DCDC1: variants seen among roughly 807,000 people sequenced by gnomAD.
DCDC1 encodes the protein doublecortin domain containing 1, also known as doublecortin domain-containing protein 1.
In DCDC1, 200 loss-of-function variants were observed where a neutral mutation model predicts 178.3. The ratio of observed to expected loss-of-function variants is 1.12; its 90% confidence interval spans 1.00 to 1.26. The LOEUF (loss-of-function observed/expected upper bound fraction) is 1.26. Ranked by LOEUF, DCDC1 falls within the 50% of genes most tolerant of loss-of-function variation. The pLI, the probability that DCDC1 is intolerant of heterozygous loss-of-function variation, is 0.00. For synonymous variants in DCDC1, 690 were observed against 604.8 expected (o/e 1.14, Z -2.07); for missense variants, 1,983 against 1,749.2 (o/e 1.13, Z -2.38).
chr11:31,242,536 A>G (rs1289689948), intron 8 of DCDC1, among the ~76,000 whole-genome samples: 1 of 151,948 alleles, frequency 6.6e-6, no homozygotes, highest in African/African-American at 2.4e-5. Flanking sequence ...ATGTGACACA[A>G]ACTTAAACAT....
At chr11:31,210,372 A>C (rs573995930) in intron 9 of DCDC1, among the ~76,000 whole-genome samples, 4 of 152,316 alleles carry the variant, frequency 2.6e-5, no homozygotes, top group Admixed American at 6.5e-5. Context: ...TGACTGAATG[A>C]CTAATAGCAT....
At position 31,352,676 on chromosome 11, in the gene DCDC1, T is replaced by C. The variant is rs1423813809; in HGVS notation, c.-125+17021A>G. 2.0e-5 allele frequency among the ~76,000 whole-genome samples: 3 copies of C among 152,124 alleles called. No individual in the cohort carries two copies. The East Asian group carries it at 5.8e-4, about 29-fold the overall frequency. Reference sequence around the variant, plus strand: ...ATAATAACATGACGAGCTCAATAAGTCCTTGGAGAAATATTACATCCACCT... The same window carrying C: ...ATAATAACATGACGAGCTCAATAAGCCCTTGGAGAAATATTACATCCACCT... On this transcript the variant is annotated intron_variant, in intron 1 of 38. Coordinates refer to ENST00000684477, the MANE Select transcript of DCDC1 (RefSeq NM_001387274.1).
At chr11:30,865,945 G>T (rs1320754964) in intron 38 of DCDC1, among the ~76,000 whole-genome samples, 1 of 152,076 alleles carries the variant, frequency 6.6e-6, no homozygotes, top group Non-Finnish European at 1.5e-5. Flanking sequence ...GGGTTGAATT[G>T]CATTCCCCCA....
intron 20 of DCDC1, among the ~76,000 whole-genome samples, chr11:30,993,327 C>A (rs1391125172): frequency 1.3e-5 from 2 of 151,932 alleles, no homozygotes; most frequent in Admixed American, 6.6e-5. Context: ...CGTGTTATAG[C>A]ACTACTTTGA....
chr11:31,350,945 G>A (rs911946768), intron 1 of DCDC1, among the ~76,000 whole-genome samples: 1 of 151,710 alleles, frequency 6.6e-6, no homozygotes, highest in Non-Finnish European at 1.5e-5. Flanking sequence ...TTTAATTTAT[G>A]TAGCTAACAT....
intron 9 of DCDC1, among the ~76,000 whole-genome samples, chr11:31,205,756 G>T (rs1422711984): frequency 6.6e-6 from 1 of 151,970 alleles, no homozygotes; most frequent in Non-Finnish European, 1.5e-5. Flanking sequence ...AAAAATTTAA[G>T]GTGCCCATTT....
intron 7 of DCDC1, among the ~76,000 whole-genome samples, chr11:31,266,742 A>G (rs575176458): frequency 4.5e-4 from 68 of 152,190 alleles, no homozygotes; most frequent in Non-Finnish European, 8.2e-4. Context: ...ATTGGAGCCC[A>G]TAATTTAGTC....
At chr11:31,030,563 C>G (rs1953553757) in intron 20 of DCDC1, among the ~76,000 whole-genome samples, 1 of 152,154 alleles carries the variant, frequency 6.6e-6, no homozygotes, top group Non-Finnish European at 1.5e-5. Context: ...GGAAATGCCA[C>G]TGAGCATGGT....
intron 7 of DCDC1, among the ~76,000 whole-genome samples, chr11:31,273,983 C>A (rs916786142): frequency 6.6e-6 from 1 of 152,096 alleles, no homozygotes; most frequent in Non-Finnish European, 1.5e-5. Flanking sequence ...ATGTGAAAGA[C>A]CCATCCCCAT....
chr11:31,362,441 G>A (rs1951756188), intron 1 of DCDC1, among the ~76,000 whole-genome samples: 1 of 152,176 alleles, frequency 6.6e-6, no homozygotes, highest in Non-Finnish European at 1.5e-5. Flanking sequence ...AGACAAGGTA[G>A]TAATTTATGA....
At position 30,905,152 on chromosome 11, in the gene DCDC1, A is replaced by G; in HGVS notation, c.4117T>C (p.Cys1373Arg). The G allele has an allele frequency of 6.3e-7, 1 of 1,594,842 alleles. No homozygotes were observed. The highest frequency in any genetic ancestry group is 8.6e-7 in the Non-Finnish European group (1 of 1,168,744). The part of the protein sequence containing the change: ...VISVAEVDLS[C>R]DKAEKTLSYY... Reference sequence around the variant, plus strand: ...CTTAGAGTTTTTTCAGCCTTGTCACACGACAAATCAACCTAATTTTTTAAA... The same window carrying G: ...CTTAGAGTTTTTTCAGCCTTGTCACGCGACAAATCAACCTAATTTTTTAAA... Residue 1373 changes from cysteine to arginine, a missense_variant, in exon 31 of 39, where the codon TGT becomes CGT. Coordinates refer to ENST00000684477, the MANE Select transcript of DCDC1 (RefSeq NM_001387274.1).
chr11:30,918,887 T>C (rs1268931079), intron 25 of DCDC1, among the ~76,000 whole-genome samples: 2 of 152,170 alleles, frequency 1.3e-5, no homozygotes, highest in African/African-American at 4.8e-5. Context: ...CTAGAATTTC[T>C]TTTCCATTTT....
At chr11:31,063,790 T>C (rs1175176484) in intron 20 of DCDC1, among the ~76,000 whole-genome samples, 1 of 152,182 alleles carries the variant, frequency 6.6e-6, no homozygotes, top group Non-Finnish European at 1.5e-5. Context: ...ATAAGAATTA[T>C]ATGGCTCCTT....
At chr11:31,348,685 G>A (rs780602994) in intron 1 of DCDC1, among the ~76,000 whole-genome samples, 2 of 152,184 alleles carry the variant, frequency 1.3e-5, no homozygotes, top group Non-Finnish European at 2.9e-5. Flanking sequence ...GATAATGACT[G>A]TTGGTTCAGG....
At chr11:31,048,701 A>T (rs1955031673) in intron 20 of DCDC1, among the ~76,000 whole-genome samples, 1 of 152,144 alleles carries the variant, frequency 6.6e-6, no homozygotes, top group African/African-American at 2.4e-5. Context: ...AAAATATAAA[A>T]AAAAAATTAG....
At chr11:31,360,695 G>A (rs957970767) in intron 1 of DCDC1, among the ~76,000 whole-genome samples, 1 of 152,170 alleles carries the variant, frequency 6.6e-6, no homozygotes, top group Admixed American at 6.5e-5. Flanking sequence ...TACTGTAACT[G>A]TGTTGATTAG....
chr11:31,047,759 G>A (rs1327739640), intron 20 of DCDC1, among the ~76,000 whole-genome samples: 1 of 152,034 alleles, frequency 6.6e-6, no homozygotes, highest in Non-Finnish European at 1.5e-5. Context: ...AAAGACCACT[G>A]TAATACTATA....
chr11:30,941,349 A>T (rs1947627676), intron 21 of DCDC1, among the ~76,000 whole-genome samples: 1 of 152,174 alleles, frequency 6.6e-6, no homozygotes, highest in African/African-American at 2.4e-5. Context: ...CAAAGGCCTT[A>T]TAATGACATG....
chr11:31,029,671 A>T (rs1185805159), intron 20 of DCDC1, among the ~76,000 whole-genome samples: 1 of 152,132 alleles, frequency 6.6e-6, no homozygotes, highest in African/African-American at 2.4e-5. Context: ...CTGTATTCAC[A>T]TCAAATCAAG....
Sources: allele counts gnomAD v4.1 joint callset (sites outside exome capture counted in the v4.1 genomes callset), GRCh38; gene constraint gnomAD v4.1.1; transcripts MANE v1.5; gene names NCBI Gene and HGNC (gene_info 2026-07-23, HGNC 2026-07-21).